Variants in ASH2L observed in about 807,000 individuals in gnomAD.
ASH2L encodes ASH2 like, histone lysine methyltransferase complex subunit, also known as set1/Ash2 histone methyltransferase complex subunit ASH2.
Under a neutral mutation model 81.1 loss-of-function variants are expected in ASH2L, and 30 were observed. That is an observed-to-expected ratio of 0.37 (90% CI 0.28 to 0.50). ASH2L has a LOEUF of 0.50. Ranked by LOEUF, ASH2L falls within the 20% of genes least tolerant of loss-of-function variation. The probability of loss-of-function intolerance (pLI) is 0.95; values close to 1 mark genes in which losing one functional copy is unlikely to be tolerated. For missense variants in ASH2L, 559 were observed against 792.1 expected (o/e 0.71, Z 3.53); for synonymous variants, 273 against 279.9 (o/e 0.98, Z 0.24).
At position 38,114,304 on chromosome 8, in the gene ASH2L, T is replaced by C. The variant is rs1391791984; in HGVS notation, c.681+17T>C. 1.4e-6 allele frequency: 2 copies of C among 1,447,566 alleles called. No homozygotes were observed. Among genetic ancestry groups the C allele is most frequent in the East Asian group, 4.6e-5 (2 of 43,344 alleles). The allele number at this position is 1,447,566 out of a possible 1,614,324, so 89.7% of individuals were successfully genotyped here. On this transcript the variant is annotated intron_variant, in intron 6 of 15. Transcript: ENST00000343823. ...AAAACAATGGTAAGTAGATTAAAATTGATTAGACTTGACATTTAAAAAACC... is the reference window on the plus strand; with the variant it reads ...AAAACAATGGTAAGTAGATTAAAATCGATTAGACTTGACATTTAAAAAACC...
intron 2 of ASH2L, 147 bp downstream of exon 2, chr8:38,106,591 T>TC (rs1810444636): frequency 1.6e-6 from 1 of 643,172 alleles, no homozygotes; most frequent in Non-Finnish European, 2.6e-6. Flanking sequence ...CACTGCAACC[T>TC]CCTCCCCCCG....
chr8:38,128,326 G>A lies in ASH2L; in HGVS notation c.1201G>A (p.Val401Met). 1 of 1,614,166 alleles carries A rather than the reference G, an allele frequency of 6.2e-7. No individual in the cohort carries two copies. Among genetic ancestry groups the A allele is most frequent in the Non-Finnish European group, 8.5e-7 (1 of 1,180,036 alleles). Residue 401 changes from valine (V) to methionine (M), a missense_variant, in exon 11 of 16, where the codon GTG (valine) becomes ATG (methionine). By Grantham distance (21) the Val-to-Met change is conservative. Coordinates refer to ENST00000343823, the MANE Select transcript of ASH2L (RefSeq NM_004674.5). ...AAAGATCTCAGATGACCGGCTGACT[G>A]TGGTTGGAGAGAAGGGCTACTCTAT... ...QLKISDDRLT[V>M]VGEKGYSMVR...
intron 3 of ASH2L, among the ~76,000 whole-genome samples, chr8:38,108,644 C>A (rs533102988): frequency 1.3e-5 from 2 of 151,562 alleles, no homozygotes; most frequent in African/African-American, 4.9e-5. Flanking sequence ...ATGGTGAAAC[C>A]CCGTCACCAG....
chr8:38,122,536 T>C (rs1296080498), intron 10 of ASH2L: 4 of 152,156 alleles, frequency 2.6e-5, no homozygotes, highest in Non-Finnish European at 4.4e-5. Context: ...GTGTTAGGTG[T>C]GCTGTTACTA....
chr8:38,128,181 C>T, intron 10 of ASH2L, 110 bp from the exon 11 acceptor site: 1 of 1,286,202 alleles, frequency 7.8e-7, no homozygotes, highest in Non-Finnish European at 1.1e-6. Context: ...AAACACCTGA[C>T]CTGATATTTG....
chr8:38,133,103 A>G (rs1802123478), intron 12 of ASH2L, among the ~76,000 whole-genome samples: 1 of 152,196 alleles, frequency 6.6e-6, no homozygotes, highest in African/African-American at 2.4e-5. Context: ...AAAAAAAAGA[A>G]TAAGAGATTG....
At chr8:38,124,716 A>G (rs1002537754) in intron 10 of ASH2L, 12 of 152,206 alleles carry the variant, frequency 7.9e-5, no homozygotes, top group African/African-American at 2.2e-4. Flanking sequence ...TTGCTCCCTT[A>G]TCTCACATAA....
chr8:38,125,463 A>T (rs1801800166), intron 10 of ASH2L, among the ~76,000 whole-genome samples: 1 of 152,074 alleles, frequency 6.6e-6, no homozygotes, highest in Non-Finnish European at 1.5e-5. Context: ...TCTGCTAAAA[A>T]TACAAAATTG....
At position 38,121,133 on chromosome 8, in the gene ASH2L, A is replaced by G; in HGVS notation, c.1149A>G (p.Leu383=). ...CCTGCTTGTATGAACGGGTTTTGTT[A>G]GCCCTACATGATCGAGGTATGTAAA... ...YRACLYERVL[L]ALHDRAPQLK... is the part of the protein sequence containing the mutation. Residue 383 remains leucine, a synonymous_variant, in exon 10 of 16, where the codon TTA becomes TTG. Transcript: ENST00000343823. 1 of 1,613,396 alleles carries G rather than the reference A, an allele frequency of 6.2e-7. No homozygotes were observed. The highest frequency in any genetic ancestry group is 8.5e-7 in the Non-Finnish European group (1 of 1,179,858).
At chr8:38,119,443 T>G in intron 9 of ASH2L, 80 bp downstream of exon 9, 1 of 1,198,694 alleles carries the variant, frequency 8.3e-7, no homozygotes, top group East Asian at 2.8e-5. Flanking sequence ...GGGAAGAGAG[T>G]TCAAGGGTCG....
At chr8:38,107,844 G>A (rs919971784) in intron 3 of ASH2L, among the ~76,000 whole-genome samples, 1 of 151,564 alleles carries the variant, frequency 6.6e-6, no homozygotes, top group South Asian at 2.1e-4. Context: ...TCCACCTTGG[G>A]TGAGATTGTG....
rs1484203503 is a variant in ASH2L at position 38,105,996 on chromosome 8, C to T, written c.188+258C>T. 6.5e-6 allele frequency: 10 copies of T among 1,531,258 alleles called. No homozygotes were observed. In the Admixed American group the frequency reaches 2.0e-4, roughly 30 times the overall value. The allele number at this position is 1,531,258 out of a possible 1,614,324, so 94.9% of individuals were successfully genotyped here. On this transcript the variant is annotated intron_variant, in intron 1 of 15. Transcript: ENST00000343823. ...TTGCACCCTGGCAGGAAGCTGGTAG[C>T]TCACACTTTAACGGGAGGCCTTCAC...
rs541214719 is a variant in ASH2L at position 38,139,364 on chromosome 8, G to A, written c.*293G>A. The A allele has an allele frequency of 9.6e-5, 26 of 269,896 alleles. No individual in the cohort carries two copies. Among genetic ancestry groups the A allele is most frequent in the Non-Finnish European group, 1.7e-4 (25 of 143,450 alleles). The allele number at this position is 269,896 out of a possible 1,614,324, so 16.7% of individuals were successfully genotyped here. The stretch of plus-strand genomic sequence containing the variant: ...CTGCATACCCTGCCAGCTGTGACTT[G>A]TTATCCTACTATATTTTCTAAGGAG... On this transcript the variant is annotated 3_prime_UTR_variant, in exon 16 of 16. Transcript: ENST00000343823.
At chr8:38,108,519 A>G (rs199862369) in intron 3 of ASH2L, among the ~76,000 whole-genome samples, 1 of 142,368 alleles carries the variant, frequency 7.0e-6, no homozygotes, top group South Asian at 2.2e-4. Flanking sequence ...TATCAAGTTA[A>G]AAAAAAAAAA....
intron 9 of ASH2L, among the ~76,000 whole-genome samples, chr8:38,120,617 T>TC (rs1563255016): frequency 1.1e-3 from 1 of 908 alleles, no homozygotes; most frequent in African/African-American, 3.6e-3. Context: ...CTCTCCTCCC[T>TC]TCCCCCCCCC....
intron 14 of ASH2L, among the ~76,000 whole-genome samples, chr8:38,136,459 T>C (rs1187223976): frequency 6.6e-6 from 1 of 151,026 alleles, no homozygotes; most frequent in Admixed American, 6.6e-5. Context: ...TATAGGTAGA[T>C]AGGTAGATAG....
intron 5 of ASH2L, 98 bp downstream of exon 5, chr8:38,110,931 A>G: frequency 1.0e-6 from 1 of 991,172 alleles, no homozygotes; most frequent in Non-Finnish European, 1.5e-6. Flanking sequence ...GTTTTTATTG[A>G]ATATATGACA....
intron 10 of ASH2L, among the ~76,000 whole-genome samples, chr8:38,122,767 T>C (rs1312612863): frequency 1.3e-5 from 2 of 152,190 alleles, no homozygotes; most frequent in African/African-American, 4.8e-5. Context: ...TATTTTGTTA[T>C]AGAGATCAGA....
intron 9 of ASH2L, 96 bp downstream of exon 9, chr8:38,119,459 T>A: frequency 9.6e-7 from 1 of 1,046,862 alleles, no homozygotes; most frequent in Non-Finnish European, 1.3e-6. Flanking sequence ...GGTCGGAGGT[T>A]AAAAAGCCTG....
Sources: allele counts gnomAD v4.1 joint callset (sites outside exome capture counted in the v4.1 genomes callset), GRCh38; gene constraint gnomAD v4.1.1; transcripts MANE v1.5; gene names NCBI Gene and HGNC (gene_info 2026-07-23, HGNC 2026-07-21).